The following VWC2L variants were observed in gnomAD, a reference collection of about 807,000 sequenced individuals.
The protein encoded by VWC2L is von Willebrand factor C domain containing 2 like.
Under a neutral mutation model 21.6 loss-of-function variants are expected in VWC2L, and 10 were observed. That is an observed-to-expected ratio of 0.46 (90% CI 0.29 to 0.78). The LOEUF is 0.78. Among genes scored for constraint, VWC2L ranks in the 30% least tolerant of loss-of-function variants. The probability of loss-of-function intolerance (pLI) is 0.10; values close to 1 mark genes in which losing one functional copy is unlikely to be tolerated. For missense variants in VWC2L, 209 were observed against 277.1 expected (o/e 0.75, Z 1.74); for synonymous variants, 96 against 94.3 (o/e 1.02, Z -0.10).
intron 3 of VWC2L, among the ~76,000 whole-genome samples, chr2:214,479,040 C>A (rs1345930481): frequency 6.6e-6 from 1 of 152,194 alleles, no homozygotes; most frequent in Non-Finnish European, 1.5e-5. Context: ...CCTCAAAAGT[C>A]TCTTCAGCGA....
chr2:214,501,882 C>A (rs1688897530), intron 3 of VWC2L, among the ~76,000 whole-genome samples: 1 of 152,196 alleles, frequency 6.6e-6, no homozygotes, highest in Non-Finnish European at 1.5e-5. Flanking sequence ...TACAGAGGGA[C>A]CAGCCCTGAG....
At chr2:214,445,049 A>G (rs1702818181) in intron 3 of VWC2L, among the ~76,000 whole-genome samples, 1 of 151,914 alleles carries the variant, frequency 6.6e-6, no homozygotes, top group South Asian at 2.1e-4. Context: ...ATATTAAAAG[A>G]AGATTGCTAT....
At chr2:214,475,133 A>G (rs970762984) in intron 3 of VWC2L, among the ~76,000 whole-genome samples, 2 of 152,164 alleles carry the variant, frequency 1.3e-5, no homozygotes, top group African/African-American at 4.8e-5. Flanking sequence ...TACATTGTAG[A>G]TGTAAAAGAA....
chr2:214,533,598 AACAG>A (rs1405689420), intron 3 of VWC2L, among the ~76,000 whole-genome samples: 3 of 152,154 alleles, frequency 2.0e-5, no homozygotes, highest in South Asian at 2.1e-4. Context: ...AAAAACAAAT[AACAG>A]ACAGGATCCA....
At chr2:214,561,434 G>A (rs920755846) in intron 3 of VWC2L, among the ~76,000 whole-genome samples, 86 of 152,010 alleles carry the variant, frequency 5.7e-4, no homozygotes, top group Non-Finnish European at 1.1e-3. Context: ...TTTGTGTCTA[G>A]TAGCCACATT....
chr2:214,489,507 G>A (rs1688717305), intron 3 of VWC2L, among the ~76,000 whole-genome samples: 1 of 152,130 alleles, frequency 6.6e-6, no homozygotes, highest in South Asian at 2.1e-4. Context: ...TTTTAAATAT[G>A]TTAAATTAAT....
intron 3 of VWC2L, among the ~76,000 whole-genome samples, chr2:214,560,655 C>T (rs1412550036): frequency 7.9e-5 from 12 of 151,996 alleles, no homozygotes; most frequent in South Asian, 2.1e-4. Flanking sequence ...ATTTTTTTAA[C>T]CTGTTTCAAT....
chr2:214,433,184 T>TATATATATATATATATATATATA (rs1559289359), intron 2 of VWC2L, among the ~76,000 whole-genome samples: 1 of 112,264 alleles, frequency 8.9e-6, no homozygotes, highest in Admixed American at 9.4e-5. Context: ...ATATATATAT[T>TATATATATATATATATATATATA]ATATATAAAT....
chr2:214,554,104 C>A (rs1280139620), intron 3 of VWC2L, among the ~76,000 whole-genome samples: 4 of 151,586 alleles, frequency 2.6e-5, no homozygotes, highest in Non-Finnish European at 4.4e-5. Flanking sequence ...TGAGTCTTTA[C>A]CAAAATAGTT....
At chr2:214,499,359 T>G (rs1169577478) in intron 3 of VWC2L, among the ~76,000 whole-genome samples, 1 of 151,824 alleles carries the variant, frequency 6.6e-6, no homozygotes, top group East Asian at 1.9e-4. Context: ...AGGGAAGAAA[T>G]CAGCAAAGTT....
At chr2:214,469,029 C>T (rs1218257428) in intron 3 of VWC2L, among the ~76,000 whole-genome samples, 1 of 151,986 alleles carries the variant, frequency 6.6e-6, no homozygotes, top group Non-Finnish European at 1.5e-5. Flanking sequence ...TAAATAAGCA[C>T]ATAAATACTT....
chr2:214,497,251 T>C (rs1688825573), intron 3 of VWC2L, among the ~76,000 whole-genome samples: 2 of 152,188 alleles, frequency 1.3e-5, no homozygotes, highest in African/African-American at 4.8e-5. Context: ...CCCTTCTACA[T>C]ATTGTTCTGT....
chr2:214,551,991 T>G (rs1176466858), intron 3 of VWC2L, among the ~76,000 whole-genome samples: 2 of 152,244 alleles, frequency 1.3e-5, no homozygotes, highest in African/African-American at 2.4e-5. Flanking sequence ...ATCCTTATCT[T>G]TGTATTGCAA....
At chr2:214,558,637 T>C (rs1393564152) in intron 3 of VWC2L, among the ~76,000 whole-genome samples, 1 of 152,108 alleles carries the variant, frequency 6.6e-6, no homozygotes, top group Non-Finnish European at 1.5e-5. Flanking sequence ...ACAATTATCT[T>C]TGCCTGGACT....
intron 3 of VWC2L, among the ~76,000 whole-genome samples, chr2:214,505,588 T>C (rs990853795): frequency 1.3e-5 from 2 of 152,174 alleles, no homozygotes; most frequent in Admixed American, 1.3e-4. Context: ...CACAGTGTTT[T>C]CAAAGTCTTT....
chr2:214,534,478 A>G (rs752363283), intron 3 of VWC2L, among the ~76,000 whole-genome samples: 1 of 152,090 alleles, frequency 6.6e-6, no homozygotes, highest in Non-Finnish European at 1.5e-5. Flanking sequence ...AAAGAAATAC[A>G]TCACCACCAA....
intron 3 of VWC2L, among the ~76,000 whole-genome samples, chr2:214,479,801 A>G (rs986407264): frequency 1.1e-4 from 16 of 152,190 alleles, no homozygotes; most frequent in Non-Finnish European, 1.5e-4. Context: ...CAAAATAATA[A>G]TAATCTGGAT....
intron 3 of VWC2L, among the ~76,000 whole-genome samples, chr2:214,498,468 G>A (rs1445273606): frequency 6.6e-6 from 1 of 152,004 alleles, no homozygotes; most frequent in Non-Finnish European, 1.5e-5. Flanking sequence ...CTCTAGGTAT[G>A]CTTGAATCCT....
intron 3 of VWC2L, among the ~76,000 whole-genome samples, chr2:214,511,835 T>C (rs570336813): frequency 8.2e-6 from 1 of 122,318 alleles, no homozygotes; most frequent in East Asian, 2.1e-4. Flanking sequence ...ACTATATATA[T>C]ATATACACTT....
Sources: allele counts gnomAD v4.1 joint callset (sites outside exome capture counted in the v4.1 genomes callset), GRCh38; gene constraint gnomAD v4.1.1; transcripts MANE v1.5; gene names NCBI Gene and HGNC (gene_info 2026-07-23, HGNC 2026-07-21).